ROBO2: variants seen among roughly 807,000 people sequenced by gnomAD.
The protein encoded by ROBO2 is roundabout homolog 2.
A neutral mutation model predicts 160.8 loss-of-function variants in ROBO2; 53 were observed. That is an observed-to-expected ratio of 0.33 (90% CI 0.26 to 0.41). The LOEUF is 0.41. ROBO2 is among the 10% of genes least tolerant of loss of function. The pLI is 1.00. For synonymous variants in ROBO2, 664 were observed against 611.7 expected (o/e 1.09, Z -1.26); for missense variants, 1,577 against 1,722.4 (o/e 0.92, Z 1.49).
chr3:76,746,079 C>G (rs1453514266), intron 2 of ROBO2, among the ~76,000 whole-genome samples: 1 of 148,098 alleles, frequency 6.8e-6, no homozygotes, highest in Non-Finnish European at 1.5e-5. Context: ...TGAGAATATA[C>G]AGTGTTTGGT....
rs62251211 is a variant in ROBO2, at chr3:77,309,511, G to A, written c.389-167903G>A. On this transcript the variant is annotated intron_variant, in intron 2 of 25. Coordinates refer to ENST00000461745, the Ensembl canonical transcript of ROBO2. Reference sequence around the variant, plus strand: ...TTTATTCATTCAGATTCTCCTGGAAGAAGCCACTGTGTGATAATGAAAGTC... The same window carrying A: ...TTTATTCATTCAGATTCTCCTGGAAAAAGCCACTGTGTGATAATGAAAGTC... Among the ~76,000 whole-genome samples, 404 of 152,346 alleles carry A rather than the reference G, an allele frequency of 2.7e-3. 2 individuals carry two copies. The highest frequency in any genetic ancestry group is 0.014 in the Middle Eastern group (4 of 294).
intron 2 of ROBO2, among the ~76,000 whole-genome samples, chr3:76,584,245 AT>A (rs2085887772): frequency 6.6e-6 from 1 of 152,084 alleles, no homozygotes; most frequent in African/African-American, 2.4e-5. Flanking sequence ...ATGCCTTATA[AT>A]CTCACTGCAG....
At chr3:76,196,422 A>G (rs183048545) in intron 2 of ROBO2, among the ~76,000 whole-genome samples, 2 of 152,220 alleles carry the variant, frequency 1.3e-5, no homozygotes, top group Admixed American at 1.3e-4. Context: ...ACACATATAT[A>G]TTTCTCAAGA....
At chr3:76,455,956 A>G (rs2077727799) in intron 2 of ROBO2, among the ~76,000 whole-genome samples, 2 of 152,058 alleles carry the variant, frequency 1.3e-5, no homozygotes, top group African/African-American at 4.8e-5. Context: ...CAGAGACATA[A>G]TTTTTTCAGC....
At chr3:76,463,406 T>G (rs562738992) in intron 2 of ROBO2, among the ~76,000 whole-genome samples, 2 of 152,096 alleles carry the variant, frequency 1.3e-5, no homozygotes, top group East Asian at 3.9e-4. Flanking sequence ...ACTATAATTT[T>G]CATGCTGCAG....
At chr3:75,917,433 A>G (rs770707478) in intron 1 of ROBO2, among the ~76,000 whole-genome samples, 3 of 152,202 alleles carry the variant, frequency 2.0e-5, no homozygotes, top group Admixed American at 6.5e-5. Flanking sequence ...CATCCGGTCT[A>G]TCATTGATGG....
chr3:76,565,167 C>A (rs2084435829), intron 2 of ROBO2, among the ~76,000 whole-genome samples: 1 of 152,162 alleles, frequency 6.6e-6, no homozygotes, highest in African/African-American at 2.4e-5. Flanking sequence ...TTATCCCCTT[C>A]ATTCTAATGA....
chr3:76,600,441 A>G (rs2087051299), intron 2 of ROBO2, among the ~76,000 whole-genome samples: 2 of 152,218 alleles, frequency 1.3e-5, no homozygotes. Context: ...TGGGTAATTT[A>G]TGAAAAAATG....
At chr3:77,096,057 A>G (rs2071019529) in intron 1 of ROBO2, among the ~76,000 whole-genome samples, 1 of 152,176 alleles carries the variant, frequency 6.6e-6, no homozygotes, top group African/African-American at 2.4e-5. Context: ...CTTCAAAAAA[A>G]TAAAGTTCAT....
chr3:76,047,567 C>A (rs184161053), intron 2 of ROBO2, among the ~76,000 whole-genome samples: 5 of 152,152 alleles, frequency 3.3e-5, no homozygotes, highest in Non-Finnish European at 4.4e-5. Context: ...CTTTGTCATG[C>A]AACACAATCC....
chr3:76,063,518 T>A (rs1264907903), intron 2 of ROBO2, among the ~76,000 whole-genome samples: 1 of 151,736 alleles, frequency 6.6e-6, no homozygotes, highest in Non-Finnish European at 1.5e-5. Context: ...CAATTTTATT[T>A]TTTTTTTTGT....
intron 2 of ROBO2, among the ~76,000 whole-genome samples, chr3:77,327,186 C>T (rs1474046568): frequency 6.6e-6 from 1 of 152,042 alleles, no homozygotes; most frequent in Non-Finnish European, 1.5e-5. Flanking sequence ...TCAATGTAGC[C>T]GAATATACCT....
In ROBO2 at chr3:77,458,144, T is replaced by C. The variant is rs981037198; in HGVS notation, c.389-19270T>C. Among the ~76,000 whole-genome samples, 11 of 152,206 alleles carry C rather than the reference T, an allele frequency of 7.2e-5. No homozygotes were observed. In the East Asian group the frequency reaches 1.7e-3, roughly 24 times the overall value. ...GAAACAAAAAATTAGAGAGGGTAAA[T>C]AACTTGCTCCAAATGGCATAGCTGT... On this transcript the variant is annotated intron_variant, in intron 2 of 25. Coordinates refer to ENST00000461745, the Ensembl canonical transcript of ROBO2.
chr3:76,162,421 C>T (rs147459309), intron 2 of ROBO2, among the ~76,000 whole-genome samples: 2,244 of 152,178 alleles, frequency 0.015, 21 homozygotes, highest in Non-Finnish European at 0.021. Context: ...GTGATCCTCC[C>T]GCCTCCTCCT....
At chr3:76,226,464 T>G (rs1704292948) in intron 2 of ROBO2, among the ~76,000 whole-genome samples, 6 of 152,140 alleles carry the variant, frequency 3.9e-5, no homozygotes, top group Admixed American at 3.9e-4. Context: ...TTGTCACATA[T>G]TTCTGTCTAC....
chr3:76,253,333 C>G (rs1374647153), intron 2 of ROBO2, among the ~76,000 whole-genome samples: 1 of 151,994 alleles, frequency 6.6e-6, no homozygotes, highest in Non-Finnish European at 1.5e-5. Flanking sequence ...ACTGCAGTGA[C>G]ATGACCACAG....
chr3:76,664,628 AGCTATGTGGG>A, intron 2 of ROBO2, among the ~76,000 whole-genome samples: 11 of 152,168 alleles, frequency 7.2e-5, no homozygotes. Flanking sequence ...AATTTTAAAA[AGCTATGTGGG>A]TTTCTACTGT....
At chr3:76,864,964 T>G (rs949078413) in intron 2 of ROBO2, among the ~76,000 whole-genome samples, 2 of 152,104 alleles carry the variant, frequency 1.3e-5, no homozygotes, top group African/African-American at 4.8e-5. Context: ...AATATTTGTC[T>G]AACAGATTTA....
intron 2 of ROBO2, among the ~76,000 whole-genome samples, chr3:76,978,394 C>A (rs2059913383): frequency 6.6e-6 from 1 of 152,044 alleles, no homozygotes; most frequent in African/African-American, 2.4e-5. Flanking sequence ...ATAGTGCCAC[C>A]TTTATTTGCG....
Sources: allele counts gnomAD v4.1 joint callset (sites outside exome capture counted in the v4.1 genomes callset), GRCh38; gene constraint gnomAD v4.1.1; transcripts MANE v1.5; gene names NCBI Gene and HGNC (gene_info 2026-07-23, HGNC 2026-07-21).